The following C1orf105 variants were observed in gnomAD, a reference collection of about 807,000 sequenced individuals.
The protein encoded by C1orf105 is chromosome 1 open reading frame 105, also known as uncharacterized protein C1orf105.
In C1orf105, 17 loss-of-function variants were observed where a neutral mutation model predicts 20.8. That is an observed-to-expected ratio of 0.82 (90% CI 0.56 to 1.23). The LOEUF (loss-of-function observed/expected upper bound fraction) is 1.23. Ranked by LOEUF, C1orf105 falls within the 50% of genes most tolerant of loss-of-function variation. The probability of loss-of-function intolerance (pLI) is 0.00; values close to 1 mark genes in which losing one functional copy is unlikely to be tolerated. For missense variants in C1orf105, 219 were observed against 213.5 expected (o/e 1.03, Z -0.16); for synonymous variants, 72 against 72.1 (o/e 1.00, Z 0.01).
chr1:172,427,921 C>T (rs2071765332), intron 1 of C1orf105, among the ~76,000 whole-genome samples: 1 of 152,166 alleles, frequency 6.6e-6, no homozygotes, highest in Admixed American at 6.5e-5. Context: ...CTCTCTCAAA[C>T]TCCAAGGTCA....
chr1:172,443,986 AC>A, intron 1 of C1orf105: 2 of 1,000,012 alleles, frequency 2.0e-6, no homozygotes, highest in Non-Finnish European at 2.4e-6. Flanking sequence ...GAACCCACCT[AC>A]CCGAGAGTTC....
intron 4 of C1orf105, among the ~76,000 whole-genome samples, chr1:172,458,920 G>C (rs1205447224): frequency 6.6e-6 from 1 of 152,116 alleles, no homozygotes; most frequent in Non-Finnish European, 1.5e-5. Flanking sequence ...TTTTGACAAA[G>C]GCACCAAGAC....
At chr1:172,445,030 T>A in intron 1 of C1orf105, 43 bp from the exon 2 acceptor site, 1 of 1,503,180 alleles carries the variant, frequency 6.7e-7, no homozygotes, top group Non-Finnish European at 9.2e-7. Context: ...TAGCAATGTT[T>A]AAGTGTGATA....
intron 4 of C1orf105, among the ~76,000 whole-genome samples, chr1:172,458,744 T>C (rs1368389548): frequency 6.6e-6 from 1 of 152,138 alleles, no homozygotes; most frequent in Non-Finnish European, 1.5e-5. Flanking sequence ...AGCCAAACAA[T>C]CTTTAAAAAG....
chr1:172,437,577 C>A (rs2072078098), intron 1 of C1orf105, among the ~76,000 whole-genome samples: 1 of 91,170 alleles, frequency 1.1e-5, no homozygotes, highest in South Asian at 3.4e-4. Context: ...CACACTGGGG[C>A]CTGCCGGGGG....
chr1:172,457,835 A>C (rs1649405090), intron 4 of C1orf105, among the ~76,000 whole-genome samples: 1 of 152,238 alleles, frequency 6.6e-6, no homozygotes, highest in Non-Finnish European at 1.5e-5. Flanking sequence ...GGCTTCAAAC[A>C]CAAAAGTGCC....
intron 1 of C1orf105, among the ~76,000 whole-genome samples, chr1:172,423,569 C>T (rs954645397): frequency 1.3e-5 from 2 of 151,734 alleles, no homozygotes; most frequent in Non-Finnish European, 1.5e-5. Flanking sequence ...CAAGCATCCA[C>T]AAGCACAGGA....
At chr1:172,441,158 A>G (rs1323407509) in intron 1 of C1orf105, among the ~76,000 whole-genome samples, 1 of 152,222 alleles carries the variant, frequency 6.6e-6, no homozygotes, top group East Asian at 1.9e-4. Flanking sequence ...TTATTGTGAC[A>G]CATCACACTC....
intron 5 of C1orf105, among the ~76,000 whole-genome samples, 177 bp downstream of exon 5, chr1:172,462,422 C>CT (rs1449625719): frequency 6.6e-6 from 1 of 152,146 alleles, no homozygotes; most frequent in Non-Finnish European, 1.5e-5. Flanking sequence ...GAAAGTTCAC[C>CT]TTTTTGCTTG....
In C1orf105 at chr1:172,442,511, G is replaced by A. The variant is rs376403107; in HGVS notation, c.22-2562G>A. Reference sequence around the variant, plus strand: ...TATTTCCGAGCATGGATGTTTTTCCGGAGCTCTTCCAGGAATCGCCGGTCC... The same window carrying A: ...TATTTCCGAGCATGGATGTTTTTCCAGAGCTCTTCCAGGAATCGCCGGTCC... On this transcript the variant is annotated intron_variant, in intron 1 of 6. Transcript: ENST00000367727. 8.7e-6 allele frequency: 14 copies of A among 1,614,018 alleles called. No homozygotes were observed. The highest frequency in any genetic ancestry group is 8.0e-5 in the African/African-American group (6 of 74,914).
chr1:172,436,684 A>G (rs2072049985), intron 1 of C1orf105, among the ~76,000 whole-genome samples: 2 of 152,256 alleles, frequency 1.3e-5, no homozygotes, highest in African/African-American at 2.4e-5. Context: ...GGCATGGGCA[A>G]GGACTTCATG....
intron 1 of C1orf105, among the ~76,000 whole-genome samples, chr1:172,423,783 G>C (rs2071652205): frequency 6.6e-6 from 1 of 151,796 alleles, no homozygotes; most frequent in Admixed American, 6.6e-5. Flanking sequence ...TAATTAAAAA[G>C]AATCAAGCAG....
At chr1:172,441,463 T>C in intron 1 of C1orf105, 1 of 301,450 alleles carries the variant, frequency 3.3e-6, no homozygotes, top group Non-Finnish European at 6.1e-6. Context: ...TTGATGGATG[T>C]GTTATTTTTT....
At chr1:172,426,399 C>T (rs1020359607) in intron 1 of C1orf105, among the ~76,000 whole-genome samples, 24 of 152,176 alleles carry the variant, frequency 1.6e-4, no homozygotes, top group African/African-American at 4.8e-4. Flanking sequence ...CTTTTAACTA[C>T]CAATGCCCAA....
intron 3 of C1orf105, chr1:172,453,190 G>T: frequency 1.3e-6 from 2 of 1,550,956 alleles, no homozygotes; most frequent in East Asian, 4.9e-5. Flanking sequence ...CAAGTCTGAG[G>T]TAGAGTACAG....
chr1:172,453,440 T>G (rs1254506683), intron 3 of C1orf105, among the ~76,000 whole-genome samples: 1 of 152,266 alleles, frequency 6.6e-6, no homozygotes, highest in Non-Finnish European at 1.5e-5. Flanking sequence ...TTTGTTGTAC[T>G]ACAACACTAA....
intron 3 of C1orf105, 25 bp downstream of exon 3, chr1:172,448,556 G>C (rs755963684): frequency 7.5e-7 from 1 of 1,330,008 alleles, no homozygotes; most frequent in Non-Finnish European, 1.1e-6. Flanking sequence ...TTGTTGAAAT[G>C]AAACCAACAG....
chr1:172,468,189 C>T (rs1650198986), intron 6 of C1orf105, among the ~76,000 whole-genome samples: 1 of 151,890 alleles, frequency 6.6e-6, no homozygotes, highest in African/African-American at 2.4e-5. Flanking sequence ...TCCTTTTGGC[C>T]TCATTGACAA....
At chr1:172,425,232 T>C (rs2071692836) in intron 1 of C1orf105, among the ~76,000 whole-genome samples, 1 of 152,196 alleles carries the variant, frequency 6.6e-6, no homozygotes, top group Non-Finnish European at 1.5e-5. Context: ...CATTACCTGA[T>C]GGGCATAAGG....
Sources: allele counts gnomAD v4.1 joint callset (sites outside exome capture counted in the v4.1 genomes callset), GRCh38; gene constraint gnomAD v4.1.1; transcripts MANE v1.5; gene names NCBI Gene and HGNC (gene_info 2026-07-23, HGNC 2026-07-21).